The following ANOS1 variants were observed in gnomAD, a reference collection of about 807,000 sequenced individuals.
The protein encoded by ANOS1 is anosmin 1.
A neutral mutation model predicts 59.0 loss-of-function variants in ANOS1; 6 were observed. The ratio of observed to expected loss-of-function variants is 0.10; its 90% CI spans 0.06 to 0.20. The LOEUF (loss-of-function observed/expected upper bound fraction) is 0.20. Among genes scored for constraint, ANOS1 ranks in the 10% least tolerant of loss-of-function variants. ANOS1 has a pLI of 1.00. For missense variants in ANOS1, 433 were observed against 542.3 expected (o/e 0.80, Z 2.00); for synonymous variants, 217 against 223.4 (o/e 0.97, Z 0.25).
At chrX:8,580,027 A>G (rs1009008349) in intron 6 of ANOS1, among the ~76,000 whole-genome samples, 4 of 111,948 alleles carry the variant, frequency 3.6e-5, no homozygotes, top group Non-Finnish European at 7.5e-5. Flanking sequence ...GGCAATCTCT[A>G]TTTGTTGAAA....
chrX:8,642,696 T>C (rs781710091), intron 2 of ANOS1, among the ~76,000 whole-genome samples: 2 of 112,203 alleles, frequency 1.8e-5, no homozygotes, highest in South Asian at 3.7e-4. Context: ...TTGTCAAACA[T>C]GTCTATTCCA....
intron 1 of ANOS1, among the ~76,000 whole-genome samples, chrX:8,721,627 T>C (rs780786717): frequency 4.8e-4 from 54 of 112,082 alleles, no homozygotes; most frequent in Non-Finnish European, 8.5e-4. Context: ...TTCTTCTTTC[T>C]TAGGCTCTTT....
chrX:8,545,409 A>AAGGAAGGAAGGAAGGC (rs745936247), intron 9 of ANOS1, among the ~76,000 whole-genome samples: 3 of 104,590 alleles, frequency 2.9e-5, no homozygotes, highest in African/African-American at 7.0e-5. Context: ...GGAAGGAAGG[A>AAGGAAGGAAGGAAGGC]AGGCAGGCAG....
At chrX:8,669,407 A>G (rs956587261) in intron 2 of ANOS1, among the ~76,000 whole-genome samples, 7 of 111,603 alleles carry the variant, frequency 6.3e-5, no homozygotes, top group African/African-American at 2.3e-4. Context: ...TATCGATAGT[A>G]ATCCATCAGT....
chrX:8,664,097 T>C (rs915126976), intron 2 of ANOS1, among the ~76,000 whole-genome samples: 2 of 111,777 alleles, frequency 1.8e-5, no homozygotes, highest in Non-Finnish European at 3.8e-5. Context: ...GCATAGGTGA[T>C]GGGTTGATAG....
At chrX:8,594,658 GTATATA>G (rs767812487) in intron 4 of ANOS1, among the ~76,000 whole-genome samples, 1,249 of 33,495 alleles carry the variant, frequency 0.037, 54 homozygotes, top group East Asian at 0.12. Flanking sequence ...ATATATATGT[GTATATA>G]TATATATATA....
chrX:8,536,899 T>C lies in ANOS1; in HGVS notation c.1493A>G (p.Tyr498Cys). The C allele has an allele frequency of 8.3e-7, 1 of 1,209,478 alleles. No individual in the cohort carries two copies. Among genetic ancestry groups the C allele is most frequent in the Non-Finnish European group, 1.1e-6 (1 of 893,467 alleles). Residue 498 changes from tyrosine (Y) to cysteine (C), a missense_variant, in exon 11 of 14, where the codon TAT becomes TGT. By Grantham distance (194) the Tyr-to-Cys change is radical (BLOSUM62 -2). Transcript: ENST00000262648. ...ILQDLSFSCK[Y>C]KVTVQPIRPK... is the part of the protein sequence containing the mutation. Reference sequence around the variant, plus strand: ...CCGTATTGGTTGGACAGTCACCTTATACTTGCAGGAAAATGACAGATCTTG... The same window carrying C: ...CCGTATTGGTTGGACAGTCACCTTACACTTGCAGGAAAATGACAGATCTTG...
chrX:8,705,889 T>G (rs1932776928), intron 1 of ANOS1, among the ~76,000 whole-genome samples: 1 of 112,404 alleles, frequency 8.9e-6, no homozygotes, highest in South Asian at 3.7e-4. Flanking sequence ...GATTAGACAG[T>G]GGGACTTTTG....
In ANOS1 at chrX:8,594,310, C is replaced by T. The variant is rs547278852; in HGVS notation, c.541+2724G>A. On this transcript the variant is annotated intron_variant, in intron 4 of 13. Coordinates refer to ENST00000262648, the MANE Select transcript of ANOS1 (RefSeq NM_000216.4). The stretch of plus-strand genomic sequence containing the variant: ...AGGAAAGACAGTGATCACGAGTATC[C>T]TAAGATTGCAGGTTGGTTTGTGCGC... 8.2e-5 allele frequency among the ~76,000 whole-genome samples: 9 copies of T among 109,699 alleles called. No homozygotes were observed. In the South Asian group the frequency reaches 3.2e-3, roughly 39 times the overall value.
Position 8,576,489 on chromosome X carries a change from C to T in ANOS1, c.857-5785G>A, listed in dbSNP as rs199533800. The stretch of plus-strand genomic sequence containing the variant: ...ATATACACACACACACACACACACA[C>T]ATACACACACACACACACACACACA... On this transcript the variant is annotated intron_variant, in intron 6 of 13. Transcript: ENST00000262648. Among the ~76,000 whole-genome samples the T allele has an allele frequency of 7.5e-3, 711 of 95,015 alleles. 9 individuals are homozygous for T. Among genetic ancestry groups the T allele is most frequent in the African/African-American group, 0.029 (647 of 22,455 alleles). 82.5% of individuals were successfully genotyped at this position (95,015 alleles called of 115,157 possible).
intron 8 of ANOS1, among the ~76,000 whole-genome samples, chrX:8,563,441 C>T (rs565729843): frequency 1.8e-5 from 2 of 112,252 alleles, no homozygotes; most frequent in South Asian, 7.3e-4. Flanking sequence ...CTAGTGTCTC[C>T]CCACCTGGCT....
At chrX:8,618,814 G>A (rs778430442) in intron 3 of ANOS1, among the ~76,000 whole-genome samples, 3 of 111,374 alleles carry the variant, frequency 2.7e-5, no homozygotes, top group Admixed American at 9.5e-5. Flanking sequence ...GCTCACGCCT[G>A]TAATCCCAGC....
intron 2 of ANOS1, among the ~76,000 whole-genome samples, chrX:8,626,762 G>A (rs1931401767): frequency 9.3e-6 from 1 of 107,285 alleles, no homozygotes; most frequent in African/African-American, 3.4e-5. Flanking sequence ...TCGGGAGGCT[G>A]AGGCAGGAGA....
chrX:8,667,087 A>C (rs1473044540), intron 2 of ANOS1, among the ~76,000 whole-genome samples: 1 of 111,559 alleles, frequency 9.0e-6, no homozygotes, highest in East Asian at 2.8e-4. Context: ...TAGAAATTAT[A>C]AACTCTGTCC....
chrX:8,586,520 T>A (rs1930511868), intron 5 of ANOS1, among the ~76,000 whole-genome samples: 1 of 111,933 alleles, frequency 8.9e-6, no homozygotes. Context: ...CAGTAAAAAA[T>A]AATACCAGCA....
At chrX:8,584,089 C>G (rs960293914) in intron 6 of ANOS1, among the ~76,000 whole-genome samples, 2 of 112,098 alleles carry the variant, frequency 1.8e-5, no homozygotes, top group African/African-American at 6.5e-5. Context: ...CCACTTCTGT[C>G]TGAGGTCTGA....
chrX:8,583,451 C>T (rs991857262), intron 6 of ANOS1, among the ~76,000 whole-genome samples: 2 of 111,586 alleles, frequency 1.8e-5, no homozygotes, highest in Non-Finnish European at 3.8e-5. Flanking sequence ...ACATTTTTCC[C>T]AGTGAGGCTG....
chrX:8,611,753 A>C (rs934126276), intron 3 of ANOS1, among the ~76,000 whole-genome samples: 5 of 111,702 alleles, frequency 4.5e-5, no homozygotes, highest in Admixed American at 9.5e-5. Context: ...ATCTTTGAAA[A>C]GTGAAGATGC....
intron 1 of ANOS1, among the ~76,000 whole-genome samples, chrX:8,705,824 A>G (rs942460115): frequency 1.8e-5 from 2 of 112,763 alleles, no homozygotes; most frequent in African/African-American, 6.4e-5. Context: ...GAGTCAAAGT[A>G]CATTAGGCTA....
Sources: allele counts gnomAD v4.1 joint callset (sites outside exome capture counted in the v4.1 genomes callset), GRCh38; gene constraint gnomAD v4.1.1; transcripts MANE v1.5; gene names NCBI Gene and HGNC (gene_info 2026-07-23, HGNC 2026-07-21).